EGF: variants seen among roughly 807,000 people sequenced by gnomAD.
The protein encoded by EGF is pro-epidermal growth factor.
A neutral mutation model predicts 143.8 loss-of-function variants in EGF; 95 were observed. That is an observed-to-expected ratio of 0.66 (90% CI 0.56 to 0.78). The LOEUF (loss-of-function observed/expected upper bound fraction) is 0.78. EGF is among the 30% of genes least tolerant of loss of function. The pLI is 0.00. For synonymous variants in EGF, 510 were observed against 510.5 expected (o/e 1.00, Z 0.01); for missense variants, 1,320 against 1,470.9 (o/e 0.90, Z 1.68).
chr4:109,989,924 T>C (rs2237053), intron 18 of EGF, among the ~76,000 whole-genome samples: 79,486 of 151,790 alleles, frequency 0.52, 23,664 homozygotes, highest in African/African-American at 0.81. Flanking sequence ...AGCTCACTCT[T>C]ACTCTCTCTC....
intron 15 of EGF, among the ~76,000 whole-genome samples, chr4:109,981,606 A>G: frequency 6.6e-6 from 1 of 152,236 alleles, no homozygotes; most frequent in East Asian, 1.9e-4. Context: ...GCAGAAATAT[A>G]CCAAAGATAA....
chr4:110,005,840 G>T (rs1643662290), intron 22 of EGF, among the ~76,000 whole-genome samples: 1 of 152,184 alleles, frequency 6.6e-6, no homozygotes, highest in Non-Finnish European at 1.5e-5. Context: ...ATTACAGAGA[G>T]GTTATGGAGG....
At chr4:109,971,589 C>A (rs971206393) in intron 11 of EGF, among the ~76,000 whole-genome samples, 1 of 152,190 alleles carries the variant, frequency 6.6e-6, no homozygotes, top group Admixed American at 6.5e-5. Flanking sequence ...ACCACTGTTT[C>A]CTGGAGAATC....
chr4:109,939,074 A>C (rs1741440772), intron 1 of EGF, among the ~76,000 whole-genome samples: 1 of 152,220 alleles, frequency 6.6e-6, no homozygotes, highest in South Asian at 2.1e-4. Context: ...AGGGATGTTT[A>C]AGTCTGTAGA....
intron 19 of EGF, 45 bp downstream of exon 19, chr4:109,993,414 G>T: frequency 6.2e-7 from 1 of 1,610,718 alleles, no homozygotes; most frequent in Non-Finnish European, 8.5e-7. Context: ...GACTTGGCTC[G>T]GGGATATTCT....
intron 1 of EGF, among the ~76,000 whole-genome samples, chr4:109,915,300 C>A (rs1736431200): frequency 6.6e-6 from 1 of 152,182 alleles, no homozygotes; most frequent in Admixed American, 6.5e-5. Flanking sequence ...ATACCCTCGC[C>A]CACTGCTTTT....
chr4:109,922,054 T>G (rs1167002420), intron 1 of EGF, among the ~76,000 whole-genome samples: 2 of 151,496 alleles, frequency 1.3e-5, no homozygotes, highest in Non-Finnish European at 2.9e-5. Flanking sequence ...ATTATTCTGT[T>G]TACTGGAAGA....
In EGF at chr4:109,993,251, T is replaced by C. The variant is rs776939597; in HGVS notation, c.2739T>C (p.Ile913=). 6.2e-7 allele frequency: 1 copy of C among 1,613,748 alleles called. No homozygotes were observed. The highest frequency in any genetic ancestry group is 1.3e-5 in the African/African-American group (1 of 75,000). ...YQGDGIHCLD[I]DECQLGEHSC... is the part of the protein sequence containing the mutation. ...GTACTCTGTCTTTTCTGACAGATAT[T>C]GATGAGTGCCAACTGGGGGAGCACA... The change falls in exon 19 of 24, where the codon ATT becomes ATC. Residue 913 remains isoleucine (I), a synonymous_variant. Transcript: ENST00000265171.
chr4:109,977,222 G>A (rs1012625884), intron 13 of EGF: 1 of 152,074 alleles, frequency 6.6e-6, no homozygotes, highest in Non-Finnish European at 1.5e-5. Context: ...AATTGGTTGG[G>A]AAGATGAAAA....
chr4:109,980,170 C>G (rs1749124329), intron 14 of EGF, 31 bp downstream of exon 14: 1 of 1,555,782 alleles, frequency 6.4e-7, no homozygotes, highest in Non-Finnish European at 8.7e-7. Context: ...ACAGTCTTTC[C>G]TTGGCTGGAA....
At chr4:109,918,861 T>C (rs1198984819) in intron 1 of EGF, among the ~76,000 whole-genome samples, 1 of 152,216 alleles carries the variant, frequency 6.6e-6, no homozygotes, top group Non-Finnish European at 1.5e-5. Context: ...CACAAGGTCA[T>C]CTGTGGAAGG....
At chr4:109,919,707 C>A (rs1255527150) in intron 1 of EGF, among the ~76,000 whole-genome samples, 1 of 151,422 alleles carries the variant, frequency 6.6e-6, no homozygotes, top group Non-Finnish European at 1.5e-5. Context: ...GGCCAGAGAT[C>A]AAGGAGATCA....
At chr4:109,954,968 G>A (rs17041066) in intron 5 of EGF, among the ~76,000 whole-genome samples, 1,593 of 152,290 alleles carry the variant, frequency 0.01, 27 homozygotes, top group African/African-American at 0.036. Context: ...CAAAATTTTT[G>A]TTATGTGCTA....
chr4:109,971,618 T>C (rs1405827199), intron 11 of EGF, among the ~76,000 whole-genome samples: 2 of 152,142 alleles, frequency 1.3e-5, no homozygotes, highest in African/African-American at 2.4e-5. Context: ...AATTCCCCAG[T>C]TCATTGGCTT....
rs756341864 is a variant in EGF at position 109,945,072 on chromosome 4, G to T, written c.738-1G>T. 6.2e-7 allele frequency: 1 copy of T among 1,613,858 alleles called. No individual in the cohort carries two copies. The highest frequency in any genetic ancestry group is 1.3e-5 in the African/African-American group (1 of 74,902). ...TTTTTTCTTTTGTGGTTGCTTTTTA[G>T]GCATAATTTGTTTGCAATGTCCCTT... On this transcript the variant is annotated splice_acceptor_variant, in intron 4 of 23. Coordinates refer to ENST00000265171, the MANE Select transcript of EGF (RefSeq NM_001963.6). LOFTEE classifies it high-confidence loss of function.
Position 109,994,352 on chromosome 4 carries a change from C to A in EGF, c.2858-381C>A, listed in dbSNP as rs200155477. 5.3e-5 allele frequency among the ~76,000 whole-genome samples: 8 copies of A among 152,226 alleles called. No individual in the cohort carries two copies. The East Asian group carries it at 1.4e-3, about 26-fold the overall frequency. ...TGCACATTGATGGGTAGGTTTTAAA[C>A]CATAGAGTTACCAGTTGTTCAGTGA... is the stretch of plus-strand genomic sequence containing the variant. On this transcript the variant is annotated intron_variant, in intron 19 of 23. Coordinates refer to ENST00000265171, the MANE Select transcript of EGF (RefSeq NM_001963.6).
chr4:109,960,448 C>G (rs1745501680), intron 6 of EGF, among the ~76,000 whole-genome samples: 1 of 152,192 alleles, frequency 6.6e-6, no homozygotes, highest in South Asian at 2.1e-4. Flanking sequence ...AGTTCAAGAT[C>G]AGCCTGAGCA....
At chr4:109,938,233 A>G (rs1741206161) in intron 1 of EGF, among the ~76,000 whole-genome samples, 1 of 151,726 alleles carries the variant, frequency 6.6e-6, no homozygotes, top group African/African-American at 2.4e-5. Context: ...TTTTTCTCTA[A>G]TCTTGTCTTC....
Position 110,011,508 on chromosome 4 carries a change from A to C in EGF, c.*53A>C, listed in dbSNP as rs528891678. Reference sequence around the variant, plus strand: ...AGAATGAACTATGTCGATGCACAGTATCTTTTCTTTCAAAAGTAGAGCAAA... The same window carrying C: ...AGAATGAACTATGTCGATGCACAGTCTCTTTTCTTTCAAAAGTAGAGCAAA... On this transcript the variant is annotated 3_prime_UTR_variant, in exon 24 of 24. Transcript: ENST00000265171. 1 of 1,613,570 alleles carries C rather than the reference A, an allele frequency of 6.2e-7. No homozygotes were observed. Among genetic ancestry groups the C allele is most frequent in the Admixed American group, 1.7e-5 (1 of 60,004 alleles).
Sources: allele counts gnomAD v4.1 joint callset (sites outside exome capture counted in the v4.1 genomes callset), GRCh38; gene constraint gnomAD v4.1.1; transcripts MANE v1.5; gene names NCBI Gene and HGNC (gene_info 2026-07-23, HGNC 2026-07-21).